SLMAP: variants seen among roughly 807,000 people sequenced by gnomAD.
The protein encoded by SLMAP is sarcolemma associated protein.
A neutral mutation model predicts 128.8 loss-of-function variants in SLMAP; 44 were observed. The observed-to-expected ratio is 0.34, with a 90% CI of 0.27 to 0.44. The LOEUF (loss-of-function observed/expected upper bound fraction) is 0.44, where lower values mean the gene tolerates loss of function less well. Among genes scored for constraint, SLMAP ranks in the 20% least tolerant of loss-of-function variants. The pLI is 1.00. For synonymous variants in SLMAP, 327 were observed against 348.8 expected (o/e 0.94, Z 0.70); for missense variants, 787 against 985.3 (o/e 0.80, Z 2.69).
chr3:57,804,335 T>TG (rs2089326949), intron 2 of SLMAP, among the ~76,000 whole-genome samples: 1 of 152,228 alleles, frequency 6.6e-6, no homozygotes, highest in African/African-American at 2.4e-5. Context: ...TGTCAGTAGT[T>TG]GAGTTTACTT....
intron 2 of SLMAP, among the ~76,000 whole-genome samples, chr3:57,804,487 A>G (rs1443587842): frequency 6.6e-6 from 1 of 152,202 alleles, no homozygotes; most frequent in African/African-American, 2.4e-5. Flanking sequence ...GCTCACGCCT[A>G]TAATCCCAGC....
intron 13 of SLMAP, among the ~76,000 whole-genome samples, chr3:57,868,077 A>G (rs1329129972): frequency 6.6e-6 from 1 of 152,084 alleles, no homozygotes; most frequent in Admixed American, 6.6e-5. Flanking sequence ...CCCGAGCAAC[A>G]TAGTGAGAAC....
At chr3:57,865,100 A>T in intron 12 of SLMAP, 142 bp from the exon 13 acceptor site, 1 of 600,338 alleles carries the variant, frequency 1.7e-6, no homozygotes, top group East Asian at 2.9e-5. Flanking sequence ...TTAAATAAGA[A>T]AAGTACATGA....
chr3:57,870,283 A>G (rs2095449616), intron 13 of SLMAP, among the ~76,000 whole-genome samples: 1 of 152,104 alleles, frequency 6.6e-6, no homozygotes, highest in African/African-American at 2.4e-5. Flanking sequence ...TATCCTGGCA[A>G]TTACTATTAT....
At chr3:57,922,799 A>T in intron 22 of SLMAP, 90 bp from the exon 23 acceptor site, 1 of 1,205,956 alleles carries the variant, frequency 8.3e-7, no homozygotes, top group South Asian at 1.4e-5. Flanking sequence ...CAGGTGACTA[A>T]ATAGGATCTG....
chr3:57,810,511 T>G (rs1170106456), intron 2 of SLMAP, among the ~76,000 whole-genome samples: 1 of 152,202 alleles, frequency 6.6e-6, no homozygotes, highest in Non-Finnish European at 1.5e-5. Flanking sequence ...GATTTCACTT[T>G]CTCTATTAGC....
intron 14 of SLMAP, among the ~76,000 whole-genome samples, chr3:57,882,410 G>A (rs1324426454): frequency 1.3e-5 from 2 of 152,184 alleles, no homozygotes; most frequent in Non-Finnish European, 2.9e-5. Flanking sequence ...AACAGATATG[G>A]GACTAAGCTG....
chr3:57,870,095 A>G (rs1397786092), intron 13 of SLMAP, among the ~76,000 whole-genome samples: 2 of 152,116 alleles, frequency 1.3e-5, no homozygotes, highest in African/African-American at 2.4e-5. Context: ...TCTTTAATAA[A>G]TGTCATCTTA....
chr3:57,846,621 A>G (rs556340860), intron 4 of SLMAP, among the ~76,000 whole-genome samples: 3 of 150,752 alleles, frequency 2.0e-5, no homozygotes, highest in East Asian at 1.9e-4. Context: ...CAGTGGCGCA[A>G]TCTTGGCTCA....
At chr3:57,890,140 T>C in intron 15 of SLMAP, 40 bp downstream of exon 15, 1 of 1,595,686 alleles carries the variant, frequency 6.3e-7, no homozygotes, top group South Asian at 1.1e-5. Flanking sequence ...ACAGTTCTTT[T>C]GGATAATGAA....
At chr3:57,776,253 A>T (rs866049110) in intron 2 of SLMAP, among the ~76,000 whole-genome samples, 3 of 152,152 alleles carry the variant, frequency 2.0e-5, no homozygotes, top group Non-Finnish European at 4.4e-5. Context: ...AAATTTATAT[A>T]ATGTTTATAC....
intron 2 of SLMAP, among the ~76,000 whole-genome samples, chr3:57,780,318 T>C (rs1308222771): frequency 2.0e-5 from 3 of 152,148 alleles, no homozygotes; most frequent in African/African-American, 7.2e-5. Context: ...AGCTAATTTT[T>C]GTGTTTTGTA....
At chr3:57,895,542 G>T (rs1215746623) in intron 15 of SLMAP, among the ~76,000 whole-genome samples, 2 of 151,970 alleles carry the variant, frequency 1.3e-5, no homozygotes, top group South Asian at 4.2e-4. Context: ...CACCATCTTG[G>T]CCATGCTGGT....
At chr3:57,925,338 T>C (rs75880977) in intron 23 of SLMAP, among the ~76,000 whole-genome samples, 20 of 125,114 alleles carry the variant, frequency 1.6e-4, no homozygotes, top group South Asian at 5.8e-4. Flanking sequence ...CTTTCTCTTT[T>C]TTTTTTTTTT....
At position 57,786,978 on chromosome 3, in the gene SLMAP, C is replaced by T. The variant is rs186095824; in HGVS notation, c.198+29129C>T. On this transcript the variant is annotated intron_variant, in intron 2 of 24. Transcript: ENST00000671191. ...ATCTCGATCGCCTGACCTTGTGATCCGCCCGCCTCGGCCTCCCAAAGTGTT... is the reference window on the plus strand; with the variant it reads ...ATCTCGATCGCCTGACCTTGTGATCTGCCCGCCTCGGCCTCCCAAAGTGTT... Among the ~76,000 whole-genome samples, 582 of 152,116 alleles carry T rather than the reference C, an allele frequency of 3.8e-3. 3 individuals are homozygous for T. Among genetic ancestry groups the T allele is most frequent in the South Asian group, 7.9e-3 (38 of 4,826 alleles).
chr3:57,871,542 C>T (rs1196848860), intron 13 of SLMAP, 94 bp from the exon 14 acceptor site: 12 of 848,614 alleles, frequency 1.4e-5, no homozygotes, highest in Non-Finnish European at 2.0e-5. Flanking sequence ...TTACTTAGTA[C>T]CCATGTTAAT....
chr3:57,900,106 G>A (rs2096339694), intron 17 of SLMAP: 1 of 152,060 alleles, frequency 6.6e-6, no homozygotes, highest in Non-Finnish European at 1.5e-5. Context: ...GCTATATAAG[G>A]CAGCTACATA....
chr3:57,922,597 T>C (rs1030449103), intron 22 of SLMAP, among the ~76,000 whole-genome samples: 2 of 151,850 alleles, frequency 1.3e-5, no homozygotes, highest in Non-Finnish European at 2.9e-5. Context: ...CCCAGCTAAT[T>C]TTTGTATTTT....
At chr3:57,883,159 G>A (rs943240003) in intron 14 of SLMAP, among the ~76,000 whole-genome samples, 1 of 152,170 alleles carries the variant, frequency 6.6e-6, no homozygotes, top group Non-Finnish European at 1.5e-5. Context: ...ATGAATAGTT[G>A]CAATATACCT....
Sources: gnomAD v4.1 joint callset for allele counts (sites outside exome capture counted in the v4.1 genomes callset) on GRCh38, gnomAD v4.1.1 for gene constraint, MANE v1.5 for transcripts, NCBI Gene and HGNC (gene_info 2026-07-23, HGNC 2026-07-21) for gene names.